NDST4: variants seen among roughly 807,000 people sequenced by gnomAD.
NDST4 encodes N-heparan sulfate sulfotransferase 4.
NDST4 carries 63 observed loss-of-function variants against 100.8 expected under a neutral mutation model. The observed-to-expected ratio is 0.62, with a 90% CI of 0.51 to 0.77. The LOEUF is 0.77. NDST4 is among the 30% of genes least tolerant of loss of function. NDST4 has a pLI of 0.00. For synonymous variants in NDST4, 377 were observed against 361.8 expected (o/e 1.04, Z -0.48); for missense variants, 943 against 1,018.4 (o/e 0.93, Z 1.01).
chr4:114,945,754 T>A (rs968727052), intron 4 of NDST4, among the ~76,000 whole-genome samples: 3 of 152,192 alleles, frequency 2.0e-5, no homozygotes, highest in African/African-American at 7.2e-5. Flanking sequence ...AGGACTTGGA[T>A]TCATATTGTC....
intron 2 of NDST4, among the ~76,000 whole-genome samples, chr4:115,004,128 G>A (rs1296988976): frequency 2.0e-5 from 3 of 151,826 alleles, no homozygotes; most frequent in Non-Finnish European, 4.4e-5. Flanking sequence ...GGATCTAATC[G>A]CCTAAGCCTT....
intron 2 of NDST4, among the ~76,000 whole-genome samples, chr4:114,984,875 T>C (rs897711459): frequency 6.6e-6 from 1 of 152,162 alleles, no homozygotes; most frequent in Non-Finnish European, 1.5e-5. Context: ...AGGATGAAAA[T>C]ATGAAGCTTT....
chr4:114,959,785 GA>G (rs1290163114), intron 4 of NDST4, among the ~76,000 whole-genome samples: 3 of 152,118 alleles, frequency 2.0e-5, no homozygotes, highest in African/African-American at 7.2e-5. Context: ...GAGCCTCAAA[GA>G]AATGTGGGAC....
At chr4:114,990,811 C>T (rs1382068560) in intron 2 of NDST4, among the ~76,000 whole-genome samples, 1 of 152,002 alleles carries the variant, frequency 6.6e-6, no homozygotes. Flanking sequence ...AAACTTTATG[C>T]CCCAGACATC....
chr4:114,885,731 A>G (rs1459616136), intron 6 of NDST4, among the ~76,000 whole-genome samples: 2 of 152,114 alleles, frequency 1.3e-5, no homozygotes, highest in African/African-American at 4.8e-5. Context: ...GATTTTGAGC[A>G]TGGATTTCTG....
chr4:115,003,535 T>G (rs529706323), intron 2 of NDST4, among the ~76,000 whole-genome samples: 1 of 152,236 alleles, frequency 6.6e-6, no homozygotes, highest in African/African-American at 2.4e-5. Context: ...CTGACAAAAA[T>G]TTTTAAGAAT....
intron 2 of NDST4, among the ~76,000 whole-genome samples, chr4:114,997,640 G>A (rs1001703947): frequency 1.3e-5 from 2 of 152,084 alleles, no homozygotes; most frequent in African/African-American, 4.8e-5. Context: ...CTGCAAGATA[G>A]TAAAGGCTTA....
At chr4:114,940,783 T>C (rs1052157208) in intron 4 of NDST4, among the ~76,000 whole-genome samples, 1 of 152,180 alleles carries the variant, frequency 6.6e-6, no homozygotes, top group Non-Finnish European at 1.5e-5. Context: ...AGTTTGTCCA[T>C]GGTCGAACAC....
At chr4:115,064,154 A>G (rs1728882282) in intron 2 of NDST4, among the ~76,000 whole-genome samples, 1 of 152,056 alleles carries the variant, frequency 6.6e-6, no homozygotes, top group Non-Finnish European at 1.5e-5. Flanking sequence ...TCACATTGTC[A>G]GAGGCCTTGT....
At chr4:114,866,740 G>A (rs1236877108) in intron 7 of NDST4, among the ~76,000 whole-genome samples, 3 of 151,952 alleles carry the variant, frequency 2.0e-5, no homozygotes, top group African/African-American at 4.8e-5. Context: ...GTTGTAGGGT[G>A]GTAAAAAGAG....
chr4:115,032,594 A>C (rs868686434), intron 2 of NDST4, among the ~76,000 whole-genome samples: 1 of 152,108 alleles, frequency 6.6e-6, no homozygotes, highest in South Asian at 2.1e-4. Flanking sequence ...AATTAGAGCT[A>C]AAATTGTATT....
chr4:115,084,712 T>C lies in NDST4; in HGVS notation c.-246-7430A>G, dbSNP rs369537023. On this transcript the variant is annotated intron_variant, in intron 1 of 13. Coordinates refer to ENST00000264363, the MANE Select transcript of NDST4 (RefSeq NM_022569.3). The stretch of plus-strand genomic sequence containing the variant: ...GGTGGCTTTCATGTGGTGTTGGGCC[T>C]GTTGGCACACAGAAATCAAGAATTG... Among the ~76,000 whole-genome samples, 11 of 152,342 alleles carry C rather than the reference T, an allele frequency of 7.2e-5. No homozygotes were observed. In the East Asian group the frequency reaches 1.7e-3, roughly 24 times the overall value.
chr4:115,006,822 C>T (rs1159515025), intron 2 of NDST4, among the ~76,000 whole-genome samples: 1 of 152,054 alleles, frequency 6.6e-6, no homozygotes, highest in Non-Finnish European at 1.5e-5. Flanking sequence ...AGAAAGCCAA[C>T]TACAGCACCT....
intron 6 of NDST4, among the ~76,000 whole-genome samples, chr4:114,893,399 AGTGTCTATT>A (rs1356411652): frequency 6.6e-6 from 1 of 152,168 alleles, no homozygotes; most frequent in African/African-American, 2.4e-5. Context: ...AAGCCTTGCC[AGTGTCTATT>A]GTTTCCTGAC....
chr4:114,936,246 A>G (rs913158632), intron 5 of NDST4, among the ~76,000 whole-genome samples: 1 of 152,112 alleles, frequency 6.6e-6, no homozygotes, highest in African/African-American at 2.4e-5. Context: ...TACCTTCTGG[A>G]TTTCTATGGC....
chr4:114,980,330 C>A (rs1272157619), intron 2 of NDST4, among the ~76,000 whole-genome samples: 2 of 152,096 alleles, frequency 1.3e-5, no homozygotes, highest in African/African-American at 4.8e-5. Context: ...CGTGCGGAAA[C>A]TTTAGTTTTG....
At chr4:114,928,359 T>G (rs1052556308) in intron 6 of NDST4, among the ~76,000 whole-genome samples, 1 of 152,246 alleles carries the variant, frequency 6.6e-6, no homozygotes, top group Non-Finnish European at 1.5e-5. Context: ...CAATATTTAC[T>G]TTCTCAACAT....
intron 2 of NDST4, among the ~76,000 whole-genome samples, chr4:115,068,596 C>A (rs1282163303): frequency 6.7e-6 from 1 of 148,258 alleles, no homozygotes; most frequent in Non-Finnish European, 1.5e-5. Flanking sequence ...ATCATGAGAT[C>A]AGGAGATCGA....
In NDST4 at chr4:114,870,865, T is replaced by C. The variant is rs142825048; in HGVS notation, c.1622A>G (p.Gln541Arg). Reference protein sequence around the residue: ...YTFVNLVNFVQSWTNLKLQTL... With the variant: ...YTFVNLVNFVRSWTNLKLQTL... ...TTGCAATTTCAGGTTGGTCCAGCTCTGCACAAAGTTGACCAAGTTCACAAA... is the reference window on the plus strand; with the variant it reads ...TTGCAATTTCAGGTTGGTCCAGCTCCGCACAAAGTTGACCAAGTTCACAAA... Residue 541 changes from glutamine to arginine, a missense_variant, in exon 7 of 14, where the codon CAG (glutamine) becomes CGG (arginine). By Grantham distance (43) the Gln-to-Arg change is conservative (BLOSUM62 1). Coordinates refer to ENST00000264363, the MANE Select transcript of NDST4 (RefSeq NM_022569.3). The C allele has an allele frequency of 4.8e-4, 774 of 1,613,228 alleles. 5 individuals are homozygous for C. The highest frequency in any genetic ancestry group is 9.5e-4 in the Admixed American group (57 of 59,920).
Sources: allele counts gnomAD v4.1 joint callset (sites outside exome capture counted in the v4.1 genomes callset), GRCh38; gene constraint gnomAD v4.1.1; transcripts MANE v1.5; gene names NCBI Gene and HGNC (gene_info 2026-07-23, HGNC 2026-07-21).